The following SLC22A15 variants were observed in gnomAD, a reference collection of about 807,000 sequenced individuals.
The protein encoded by SLC22A15 is flipt 1.
In SLC22A15, 45 loss-of-function variants were observed where a neutral mutation model predicts 62.7. That is an observed-to-expected ratio of 0.72 (90% CI 0.56 to 0.92). The LOEUF is 0.92. Ranked by LOEUF, SLC22A15 falls within the 40% of genes least tolerant of loss-of-function variation. SLC22A15 has a pLI of 0.00. For missense variants in SLC22A15, 622 were observed against 665.6 expected (o/e 0.93, Z 0.72); for synonymous variants, 264 against 267.0 (o/e 0.99, Z 0.11).
At chr1:116,013,221 C>T (rs902731570) in intron 2 of SLC22A15, among the ~76,000 whole-genome samples, 3 of 152,196 alleles carry the variant, frequency 2.0e-5, no homozygotes, top group Non-Finnish European at 2.9e-5. Context: ...CCCCAGCCTT[C>T]TCCCTGTTGT....
At chr1:116,062,252 T>C (rs771656215) in intron 8 of SLC22A15, among the ~76,000 whole-genome samples, 2 of 152,154 alleles carry the variant, frequency 1.3e-5, no homozygotes, top group Admixed American at 6.5e-5. Flanking sequence ...GATCTTCTGA[T>C]AGTAATTGAA....
intron 8 of SLC22A15, among the ~76,000 whole-genome samples, chr1:116,046,233 A>C (rs1557904058): frequency 6.6e-6 from 1 of 152,168 alleles, no homozygotes; most frequent in Non-Finnish European, 1.5e-5. Flanking sequence ...AAGCACAAAA[A>C]GAAAAAAAAT....
In SLC22A15 at chr1:116,031,539, A is replaced by C. The variant is rs1657396291; in HGVS notation, c.902A>C (p.Tyr301Ser). Residue 301 changes from tyrosine to serine, a missense_variant, in exon 6 of 12, where the codon TAC (tyrosine) becomes TCC (serine). Transcript: ENST00000369503. ...GGAAGTTTCCTGGATCTCTTTCGTTACCGGGTCCTGTTAGGACACACTTTG... is the reference window on the plus strand; with the variant it reads ...GGAAGTTTCCTGGATCTCTTTCGTTCCCGGGTCCTGTTAGGACACACTTTG... ...ETGSFLDLFR[Y>S]RVLLGHTLIL... The C allele has an allele frequency of 6.2e-7, 1 of 1,613,876 alleles. No individual in the cohort carries two copies. The highest frequency in any genetic ancestry group is 8.5e-7 in the Non-Finnish European group (1 of 1,179,872).
intron 2 of SLC22A15, among the ~76,000 whole-genome samples, chr1:116,015,751 T>C (rs1209274956): frequency 6.6e-6 from 1 of 152,042 alleles, no homozygotes; most frequent in Non-Finnish European, 1.5e-5. Flanking sequence ...AAACAAACAC[T>C]AAGAACATAA....
intron 2 of SLC22A15, among the ~76,000 whole-genome samples, chr1:116,001,788 C>G (rs558313414): frequency 2.2e-4 from 34 of 152,214 alleles, no homozygotes; most frequent in African/African-American, 7.9e-4. Flanking sequence ...ATTTTGAATT[C>G]TCTCTGAAAG....
At chr1:115,992,452 T>G (rs1165094452) in intron 2 of SLC22A15, among the ~76,000 whole-genome samples, 1 of 152,196 alleles carries the variant, frequency 6.6e-6, no homozygotes, top group Non-Finnish European at 1.5e-5. Flanking sequence ...AGCTTGAATC[T>G]TTCCAAACTA....
chr1:116,052,635 A>T (rs1658092481), intron 8 of SLC22A15, among the ~76,000 whole-genome samples: 1 of 152,240 alleles, frequency 6.6e-6, no homozygotes, highest in African/African-American at 2.4e-5. Context: ...ACCCCCGAGC[A>T]GCCTAACTGG....
chr1:116,035,635 C>G lies in SLC22A15; in HGVS notation c.1085+308C>G, dbSNP rs145764756. On this transcript the variant is annotated intron_variant, in intron 7 of 11. Coordinates refer to ENST00000369503, the MANE Select transcript of SLC22A15 (RefSeq NM_018420.3). ...AGTAGTCTGTATGTAATTTGTTAGT[C>G]TCCAGAGATGAGATTATTAGTTCTG... 7.6e-4 allele frequency among the ~76,000 whole-genome samples: 116 copies of G among 152,248 alleles called. 4 individuals carry two copies. The East Asian group carries it at 0.022, about 28-fold the overall frequency.
chr1:116,025,010 G>T (rs566752888), intron 4 of SLC22A15, among the ~76,000 whole-genome samples: 4 of 151,142 alleles, frequency 2.6e-5, no homozygotes, highest in African/African-American at 7.3e-5. Flanking sequence ...TTTTTTTTTT[G>T]AGGTTAATAA....
intron 2 of SLC22A15, among the ~76,000 whole-genome samples, chr1:116,002,312 G>T (rs1285236243): frequency 6.6e-6 from 1 of 152,136 alleles, no homozygotes; most frequent in Non-Finnish European, 1.5e-5. Context: ...ATAGTACCAG[G>T]TCCTGCCCAA....
chr1:116,067,103 A>G lies in SLC22A15; in HGVS notation c.1639A>G (p.Lys547Glu). 1 of 1,610,190 alleles carries G rather than the reference A, an allele frequency of 6.2e-7. No individual in the cohort carries two copies. Among genetic ancestry groups the G allele is most frequent in the South Asian group, 1.1e-5 (1 of 89,858 alleles). Residue 547 changes from lysine (K) to glutamate (E), a missense_variant, in exon 12 of 12, where the codon AAG becomes GAG. Transcript: ENST00000369503. The part of the protein sequence containing the change: ...YDADEETQMI[K>E] The stretch of plus-strand genomic sequence containing the variant: ...TGCAGATGAAGAGACTCAGATGATC[A>G]AGTGAAGAGCCCCAGATTCCCCCTA...
intron 1 of SLC22A15, among the ~76,000 whole-genome samples, chr1:115,978,134 T>C (rs993528771): frequency 1.3e-5 from 2 of 152,120 alleles, no homozygotes; most frequent in African/African-American, 4.8e-5. Flanking sequence ...GAGAAAACCC[T>C]TTTTTTCTGT....
chr1:116,035,756 C>T (rs1469295991), intron 7 of SLC22A15, among the ~76,000 whole-genome samples: 1 of 152,184 alleles, frequency 6.6e-6, no homozygotes, highest in African/African-American at 2.4e-5. Context: ...CTTTTCTTAT[C>T]TTCTGTGGCC....
chr1:116,002,139 T>C (rs1442873193), intron 2 of SLC22A15, among the ~76,000 whole-genome samples: 1 of 152,186 alleles, frequency 6.6e-6, no homozygotes, highest in Non-Finnish European at 1.5e-5. Flanking sequence ...CTGGGAGAAT[T>C]TCCTGGATTA....
chr1:116,064,535 T>A (rs753232824), intron 10 of SLC22A15, 27 bp downstream of exon 10: 5 of 1,488,412 alleles, frequency 3.4e-6, no homozygotes, highest in Non-Finnish European at 3.8e-6. Context: ...TAGTTTTGTT[T>A]TTCTTGATTC....
At chr1:116,063,504 A>G (rs950194840) in intron 9 of SLC22A15, among the ~76,000 whole-genome samples, 2 of 152,196 alleles carry the variant, frequency 1.3e-5, no homozygotes, top group Non-Finnish European at 2.9e-5. Flanking sequence ...CTGGGCAGGT[A>G]TTCGCTCAGC....
At chr1:115,998,072 A>G (rs1325377458) in intron 2 of SLC22A15, among the ~76,000 whole-genome samples, 1 of 152,176 alleles carries the variant, frequency 6.6e-6, no homozygotes, top group Admixed American at 6.5e-5. Flanking sequence ...CATTCTGTTG[A>G]TATGATGTAT....
intron 2 of SLC22A15, chr1:116,013,691 A>G (rs1656390347): frequency 6.6e-6 from 1 of 152,106 alleles, no homozygotes; most frequent in African/African-American, 2.4e-5. Flanking sequence ...AAAATGATTT[A>G]TTTGATTTGT....
In SLC22A15 at chr1:116,069,111, A is replaced by G. The variant is rs978169854; in HGVS notation, c.*2003A>G. 3.3e-5 allele frequency: 5 copies of G among 152,210 alleles called. No homozygotes were observed. Among genetic ancestry groups the G allele is most frequent in the African/African-American group, 1.2e-4 (5 of 41,442 alleles). The allele number at this position is 152,210 out of a possible 1,614,324, so 9.4% of individuals were successfully genotyped here. ...TGGCTAATAGAGTTCAATTAGTTCT[A>G]TCCCTGGGTTTCCTTTCTTAGCTAT... On this transcript the variant is annotated 3_prime_UTR_variant, in exon 12 of 12. Coordinates refer to ENST00000369503, the MANE Select transcript of SLC22A15 (RefSeq NM_018420.3).
Sources: gnomAD v4.1 joint callset for allele counts (sites outside exome capture counted in the v4.1 genomes callset) on GRCh38, gnomAD v4.1.1 for gene constraint, MANE v1.5 for transcripts, NCBI Gene and HGNC (gene_info 2026-07-23, HGNC 2026-07-21) for gene names.